Variants in XRN2 observed in about 807,000 individuals in gnomAD.
The protein encoded by XRN2 is DHM1-like protein.
A neutral mutation model predicts 138.5 loss-of-function variants in XRN2; 44 were observed. The ratio of observed to expected loss-of-function variants is 0.32; its 90% CI spans 0.25 to 0.41. The LOEUF (loss-of-function observed/expected upper bound fraction) is 0.41, where lower values mean the gene tolerates loss of function less well. Among genes scored for constraint, XRN2 ranks in the 10% least tolerant of loss-of-function variants. The probability of loss-of-function intolerance (pLI) is 1.00; values close to 1 mark genes in which losing one functional copy is unlikely to be tolerated. For missense variants in XRN2, 937 were observed against 1,169.3 expected, an observed-to-expected ratio of 0.80 and a Z score of 2.90; for synonymous variants, 354 against 369.4, an observed-to-expected ratio of 0.96 and a Z score of 0.48.
At chr20:21,372,547 A>G (rs969688376) in intron 27 of XRN2, among the ~76,000 whole-genome samples, 2 of 152,244 alleles carry the variant, frequency 1.3e-5, no homozygotes, top group Admixed American at 1.3e-4. Context: ...GGCATGTAGC[A>G]ATAAAACATA....
At chr20:21,343,040 T>C (rs535117562) in intron 15 of XRN2, among the ~76,000 whole-genome samples, 34 of 152,342 alleles carry the variant, frequency 2.2e-4, no homozygotes, top group African/African-American at 7.5e-4. Context: ...TTCGTATTAT[T>C]TTAACTTTTC....
chr20:21,319,715 C>A (rs1257694705), intron 1 of XRN2, among the ~76,000 whole-genome samples: 2 of 152,014 alleles, frequency 1.3e-5, no homozygotes, highest in African/African-American at 4.8e-5. Flanking sequence ...TCCCATCCCC[C>A]CTTTGTATAT....
At chr20:21,310,983 C>G (rs980397994) in intron 1 of XRN2, among the ~76,000 whole-genome samples, 2 of 152,000 alleles carry the variant, frequency 1.3e-5, no homozygotes, top group Admixed American at 6.5e-5. Flanking sequence ...GATCTCCTGA[C>G]CTCGTGATCT....
In XRN2 at chr20:21,389,253, TTTC is replaced by T. The variant is rs2038964845; in HGVS notation, c.2788-17_2788-15del. ...GAGTATCGGTCCAGAAAATAAACTCTTTCTTTTGTTTATTTTCAGGGATATCCC... is the reference window on the plus strand; with the variant it reads ...GAGTATCGGTCCAGAAAATAAACTCTTTTTGTTTATTTTCAGGGATATCCC... On this transcript the variant is annotated splice_polypyrimidine_tract_variant and intron_variant, in intron 29 of 29. Coordinates refer to ENST00000377191, the MANE Select transcript of XRN2 (RefSeq NM_012255.5). 6.2e-7 allele frequency: 1 copy of T among 1,607,234 alleles called. No individual in the cohort carries two copies. Among genetic ancestry groups the T allele is most frequent in the African/African-American group, 1.3e-5 (1 of 74,676 alleles).
At chr20:21,326,202 A>G (rs2038126374) in intron 1 of XRN2, 77 bp from the exon 2 acceptor site, 15 of 1,420,278 alleles carry the variant, frequency 1.1e-5, no homozygotes, top group South Asian at 9.6e-5. Context: ...AATGAAACAC[A>G]AGTTCATATT....
At chr20:21,373,243 C>G (rs1305486920) in intron 27 of XRN2, among the ~76,000 whole-genome samples, 1 of 152,190 alleles carries the variant, frequency 6.6e-6, no homozygotes, top group Non-Finnish European at 1.5e-5. Flanking sequence ...CTCCTGACCT[C>G]GTGATCTGCC....
At chr20:21,354,113 T>C (rs996816071) in intron 20 of XRN2, among the ~76,000 whole-genome samples, 12 of 152,202 alleles carry the variant, frequency 7.9e-5, no homozygotes, top group African/African-American at 2.9e-4. Context: ...TGTGCTTCTT[T>C]GAAAATTATG....
intron 27 of XRN2, among the ~76,000 whole-genome samples, chr20:21,369,998 T>C (rs536232528): frequency 6.6e-6 from 1 of 152,352 alleles, no homozygotes; most frequent in Non-Finnish European, 1.5e-5. Flanking sequence ...GTTTCATAGA[T>C]TTAAGTCTTT....
At chr20:21,387,143 C>T in intron 29 of XRN2, 137 bp downstream of exon 29, 1 of 1,216,830 alleles carries the variant, frequency 8.2e-7, no homozygotes, top group East Asian at 2.6e-5. Flanking sequence ...GAACTTGGGT[C>T]TGTCATTAAA....
chr20:21,373,016 T>G (rs2038780076), intron 27 of XRN2, among the ~76,000 whole-genome samples: 1 of 152,216 alleles, frequency 6.6e-6, no homozygotes, highest in African/African-American at 2.4e-5. Flanking sequence ...CTTTTTCTTT[T>G]TTTTTGGTCT....
chr20:21,360,961 G>A (rs2038630653), intron 24 of XRN2, among the ~76,000 whole-genome samples: 1 of 152,156 alleles, frequency 6.6e-6, no homozygotes, highest in Admixed American at 6.5e-5. Context: ...GCCTTTGTAT[G>A]CCAATTTAGC....
chr20:21,382,772 C>T (rs557225046), intron 28 of XRN2, among the ~76,000 whole-genome samples: 34 of 152,222 alleles, frequency 2.2e-4, no homozygotes, highest in East Asian at 1.9e-3. Flanking sequence ...GGACTCTGTA[C>T]GACAAGACAA....
chr20:21,372,263 G>A (rs1252273999), intron 27 of XRN2, among the ~76,000 whole-genome samples: 1 of 152,106 alleles, frequency 6.6e-6, no homozygotes, highest in Non-Finnish European at 1.5e-5. Flanking sequence ...AAAGTTTATG[G>A]ACAAAAAATT....
At chr20:21,388,196 C>G (rs1205075796) in intron 29 of XRN2, among the ~76,000 whole-genome samples, 1 of 152,170 alleles carries the variant, frequency 6.6e-6, no homozygotes, top group Non-Finnish European at 1.5e-5. Context: ...CCCTGAAAAC[C>G]CCACACGGTT....
intron 19 of XRN2, 46 bp downstream of exon 19, chr20:21,348,476 C>A: frequency 6.5e-7 from 1 of 1,527,418 alleles, no homozygotes; most frequent in Non-Finnish European, 9.0e-7. Flanking sequence ...ATTTTTGTCA[C>A]ATTTTATTCA....
At chr20:21,344,685 T>C (rs571025082) in intron 16 of XRN2, among the ~76,000 whole-genome samples, 105 of 152,312 alleles carry the variant, frequency 6.9e-4, no homozygotes, top group African/African-American at 2.5e-3. Context: ...AATATGTATG[T>C]TTTTTAAAAA....
chr20:21,328,264 C>T (rs754576666), intron 3 of XRN2, among the ~76,000 whole-genome samples: 3 of 152,076 alleles, frequency 2.0e-5, no homozygotes, highest in Admixed American at 6.6e-5. Flanking sequence ...GCACCCTAAC[C>T]GAGGGGAACT....
At position 21,303,344 on chromosome 20, in the gene XRN2, T is replaced by A; in HGVS notation, c.-55T>A. ...CTGGTGCCCTCTGCCGCTGCTCCCGTCTCTTTGGTTACGCTCGTCAGCCGG... is the reference window on the plus strand; with the variant it reads ...CTGGTGCCCTCTGCCGCTGCTCCCGACTCTTTGGTTACGCTCGTCAGCCGG... On this transcript the variant is annotated 5_prime_UTR_variant, in exon 1 of 30. Coordinates refer to ENST00000377191, the MANE Select transcript of XRN2 (RefSeq NM_012255.5). The A allele has an allele frequency of 5.2e-6, 8 of 1,535,456 alleles. No homozygotes were observed. The highest frequency in any genetic ancestry group is 7.0e-6 in the Non-Finnish European group (8 of 1,140,042).
chr20:21,312,479 T>G (rs1438568870), intron 1 of XRN2, among the ~76,000 whole-genome samples: 2 of 152,192 alleles, frequency 1.3e-5, no homozygotes, highest in African/African-American at 4.8e-5. Flanking sequence ...GCTTCTTCAC[T>G]TCATATACTT....
Sources: allele counts gnomAD v4.1 joint callset (sites outside exome capture counted in the v4.1 genomes callset), GRCh38; gene constraint gnomAD v4.1.1; transcripts MANE v1.5; gene names NCBI Gene and HGNC (gene_info 2026-07-23, HGNC 2026-07-21).